PRSS55: variants seen among roughly 807,000 people sequenced by gnomAD.
PRSS55 encodes the protein serine protease 55.
In PRSS55, 41 loss-of-function variants were observed where a neutral mutation model predicts 23.6. The ratio of observed to expected loss-of-function variants is 1.74; its 90% CI spans 1.35 to 2.26. The LOEUF is 2.26. Among genes scored for constraint, PRSS55 ranks in the 30% most tolerant of loss-of-function variants. The pLI, the probability that PRSS55 is intolerant of heterozygous loss-of-function variation, is 0.00. For synonymous variants in PRSS55, 262 were observed against 175.5 expected (o/e 1.49, Z -3.90); for missense variants, 669 against 439.1 (o/e 1.52, Z -4.68).
At chr8:10,542,170 T>G (rs1008533475), downstream of PRSS55, among the ~76,000 whole-genome samples, 20 of 152,110 alleles carry the variant, frequency 1.3e-4, no homozygotes, top group African/African-American at 4.8e-4. Context: ...GGCTACAGGA[T>G]TATCATGTGT....
chr8:10,536,099 C>T (rs547656305), intron 4 of PRSS55, among the ~76,000 whole-genome samples: 25 of 152,112 alleles, frequency 1.6e-4, no homozygotes, highest in South Asian at 4.2e-4. Context: ...GGCAGGAGAA[C>T]GGCGTGAACC....
rs28662005 is a variant in PRSS55, at chr8:10,544,977, G to C, written c.742-8966G>C. ...TTTTATATTAACTTTAACAGGGACA[G>C]AAAACTGACTGTGTGCTCTGTTGAC... On this transcript the variant is annotated intron_variant, in intron 4 of 4. Coordinates refer to the PRSS55 transcript ENST00000522210. The C allele has an allele frequency of 2.9e-3, 2,809 of 984,084 alleles. 50 individuals carry two copies. The African/African-American group carries it at 0.045, about 16-fold the overall frequency. The allele number at this position is 984,084 out of a possible 1,614,324, so 61.0% of individuals were successfully genotyped here.
chr8:10,548,809 C>G (rs1276402603), intron 4 of PRSS55, among the ~76,000 whole-genome samples: 5 of 152,090 alleles, frequency 3.3e-5, no homozygotes, highest in Non-Finnish European at 7.4e-5. Flanking sequence ...CACATCCACT[C>G]AAAAGCCTTT....
intron 1 of PRSS55, among the ~76,000 whole-genome samples, chr8:10,527,498 G>A (rs767854640): frequency 6.6e-6 from 1 of 152,250 alleles, no homozygotes; most frequent in Non-Finnish European, 1.5e-5. Context: ...ATAAAGCAGG[G>A]TAGGAAATAA....
chr8:10,539,960 T>C (rs538402968), downstream of PRSS55, among the ~76,000 whole-genome samples: 8 of 152,338 alleles, frequency 5.3e-5, no homozygotes, highest in South Asian at 1.7e-3. Context: ...TTCCCTCGCC[T>C]CTCAAGCTGT....
chr8:10,546,755 C>G (rs111509700), intron 4 of PRSS55, among the ~76,000 whole-genome samples: 1 of 152,250 alleles, frequency 6.6e-6, no homozygotes, highest in African/African-American at 2.4e-5. Context: ...CCAATCAAGG[C>G]CCACTGAAGC....
chr8:10,547,110 A>C (rs11777282), intron 4 of PRSS55, among the ~76,000 whole-genome samples: 28,748 of 152,102 alleles, frequency 0.19, 3,015 homozygotes, highest in East Asian at 0.34. Flanking sequence ...GACATCCCCA[A>C]ACCACACATC....
intron 4 of PRSS55, among the ~76,000 whole-genome samples, chr8:10,537,755 A>G (rs1812506167): frequency 6.6e-6 from 1 of 152,248 alleles, no homozygotes; most frequent in Admixed American, 6.5e-5. Flanking sequence ...TTTAAAATTA[A>G]TAAAAAGAAA....
chr8:10,546,319 CCAGA>C (rs1812816665), intron 4 of PRSS55, among the ~76,000 whole-genome samples: 1 of 152,182 alleles, frequency 6.6e-6, no homozygotes, highest in African/African-American at 2.4e-5. Context: ...CTAAACAGCC[CCAGA>C]CAAAGCTTAG....
intron 3 of PRSS55, 145 bp downstream of exon 3, chr8:10,531,690 C>T: frequency 8.2e-7 from 1 of 1,222,138 alleles, no homozygotes. Flanking sequence ...AGTTTAGCTC[C>T]TTTTGGGTGC....
At chr8:10,545,563 G>A (rs1377910050) in intron 4 of PRSS55, among the ~76,000 whole-genome samples, 1 of 152,124 alleles carries the variant, frequency 6.6e-6, no homozygotes, top group Non-Finnish European at 1.5e-5. Context: ...CCACACTTCA[G>A]AAGCATTTCC....
intron 4 of PRSS55, among the ~76,000 whole-genome samples, chr8:10,535,603 A>G (rs2117040936): frequency 6.6e-6 from 1 of 152,310 alleles, no homozygotes; most frequent in East Asian, 1.9e-4. Flanking sequence ...AAAACCCAAA[A>G]CTGTGAAAAC....
chr8:10,534,255 A>T (rs1046051571), intron 4 of PRSS55, among the ~76,000 whole-genome samples: 8 of 152,232 alleles, frequency 5.3e-5, no homozygotes, highest in African/African-American at 1.4e-4. Context: ...TGTAAAATAA[A>T]AACAAAAAGG....
At chr8:10,548,688 A>AG (rs1812879853) in intron 4 of PRSS55, among the ~76,000 whole-genome samples, 2 of 152,206 alleles carry the variant, frequency 1.3e-5, no homozygotes, top group South Asian at 4.1e-4. Flanking sequence ...AAGCCCAGGC[A>AG]CAAGGTGGGA....
chr8:10,545,522 A>C (rs1216538352), intron 4 of PRSS55, among the ~76,000 whole-genome samples: 1 of 152,224 alleles, frequency 6.6e-6, no homozygotes, highest in East Asian at 1.9e-4. Flanking sequence ...GCCAGTAACA[A>C]GCAGTTTTCA....
intron 1 of PRSS55, among the ~76,000 whole-genome samples, chr8:10,527,960 C>T (rs148392394): frequency 3.0e-4 from 46 of 152,288 alleles, no homozygotes; most frequent in African/African-American, 1.1e-3. Context: ...CGCCTGTAAT[C>T]CCAGCACTTT....
chr8:10,532,434 T>C (rs955895904), intron 3 of PRSS55, among the ~76,000 whole-genome samples: 9 of 152,180 alleles, frequency 5.9e-5, no homozygotes, highest in Admixed American at 2.6e-4. Flanking sequence ...AAATCCCCTC[T>C]AATCCCATCT....
downstream of PRSS55, among the ~76,000 whole-genome samples, chr8:10,540,029 C>A (rs1812600324): frequency 6.6e-6 from 1 of 152,276 alleles, no homozygotes; most frequent in South Asian, 2.1e-4. Flanking sequence ...CTCTCTTGCT[C>A]TCTCCTTCAT....
chr8:10,537,584 C>A (rs1302482232), intron 4 of PRSS55, among the ~76,000 whole-genome samples: 2 of 151,956 alleles, frequency 1.3e-5, no homozygotes, highest in African/African-American at 2.4e-5. Context: ...TCAAAATTAA[C>A]TGGAAGAGTG....
Sources: gnomAD v4.1 joint callset for allele counts (sites outside exome capture counted in the v4.1 genomes callset) on GRCh38, gnomAD v4.1.1 for gene constraint, MANE v1.5 for transcripts, NCBI Gene and HGNC (gene_info 2026-07-23, HGNC 2026-07-21) for gene names.